The following METTL24 variants were observed in gnomAD, a reference collection of about 807,000 sequenced individuals.
METTL24 encodes the protein methyltransferase like 24, also known as probable methyltransferase-like protein 24.
In METTL24, 29 loss-of-function variants were observed where a neutral mutation model predicts 32.7. The ratio of observed to expected loss-of-function variants is 0.89; its 90% CI spans 0.66 to 1.21. The LOEUF is 1.21. METTL24 is among the 50% of genes most tolerant of loss of function. The pLI, the probability that METTL24 is intolerant of heterozygous loss-of-function variation, is 0.00. For synonymous variants in METTL24, 163 were observed against 179.5 expected (o/e 0.91, Z 0.73); for missense variants, 439 against 468.1 (o/e 0.94, Z 0.57).
At chr6:110,339,907 T>C (rs1196401226) in intron 1 of METTL24, among the ~76,000 whole-genome samples, 1 of 152,210 alleles carries the variant, frequency 6.6e-6, no homozygotes, top group Non-Finnish European at 1.5e-5. Flanking sequence ...TGTTGGTGCC[T>C]AGCTGGAGGA....
intron 1 of METTL24, among the ~76,000 whole-genome samples, chr6:110,342,648 A>C (rs1419264509): frequency 6.6e-6 from 1 of 152,176 alleles, no homozygotes; most frequent in Non-Finnish European, 1.5e-5. Context: ...ACCATTATCT[A>C]ATTCCAGAAT....
intron 3 of METTL24, among the ~76,000 whole-genome samples, chr6:110,312,043 T>C (rs1453860887): frequency 2.0e-5 from 3 of 152,226 alleles, no homozygotes; most frequent in Non-Finnish European, 4.4e-5. Context: ...GCAGAAGCTT[T>C]TTGGTTTAAT....
At chr6:110,324,290 C>A (rs1771981685) in intron 1 of METTL24, among the ~76,000 whole-genome samples, 1 of 152,190 alleles carries the variant, frequency 6.6e-6, no homozygotes, top group African/African-American at 2.4e-5. Flanking sequence ...ACAGCCTGTA[C>A]TACCCTTGTG....
intron 1 of METTL24, among the ~76,000 whole-genome samples, chr6:110,324,696 C>T (rs564092546): frequency 6.6e-6 from 1 of 152,342 alleles, no homozygotes; most frequent in East Asian, 1.9e-4. Flanking sequence ...GCAGGCTGAG[C>T]AGGCAGAGAC....
intron 3 of METTL24, among the ~76,000 whole-genome samples, chr6:110,307,496 T>C (rs1189375333): frequency 6.6e-6 from 1 of 152,202 alleles, no homozygotes; most frequent in Non-Finnish European, 1.5e-5. Context: ...CTTAGACAAC[T>C]AGTCCATTTT....
intron 4 of METTL24, among the ~76,000 whole-genome samples, chr6:110,251,127 A>G (rs1244624545): frequency 1.3e-5 from 2 of 152,184 alleles, no homozygotes; most frequent in African/African-American, 4.8e-5. Flanking sequence ...GCGCGCATTC[A>G]AGGGGAGGTG....
At chr6:110,302,300 C>A (rs992665060) in intron 3 of METTL24, among the ~76,000 whole-genome samples, 13 of 150,792 alleles carry the variant, frequency 8.6e-5, no homozygotes, top group African/African-American at 3.2e-4. Flanking sequence ...AACATTATGT[C>A]AAAAAAAGTA....
In METTL24 at chr6:110,280,303, C is replaced by T. The variant is rs1771115213; in HGVS notation, c.786+18619G>A. 2.6e-5 allele frequency among the ~76,000 whole-genome samples: 4 copies of T among 152,134 alleles called. No individual in the cohort carries two copies. The South Asian group carries it at 8.3e-4, about 31-fold the overall frequency. ...TGTGCTGTATGAACCCACTGTTTGG[C>T]CCTTTGCTTTGGGCCCTTAACGAAT... is the stretch of plus-strand genomic sequence containing the variant. On this transcript the variant is annotated intron_variant, in intron 4 of 4. Transcript: ENST00000338882.
intron 1 of METTL24, among the ~76,000 whole-genome samples, chr6:110,354,906 C>T (rs1772675639): frequency 6.6e-6 from 1 of 152,130 alleles, no homozygotes; most frequent in South Asian, 2.1e-4. Flanking sequence ...CCTTAGGAGA[C>T]TAAAAACTTA....
Position 110,357,994 on chromosome 6 carries a change from C to A in METTL24, c.279G>T (p.Glu93Asp). The A allele has an allele frequency of 1.7e-6, 2 of 1,177,498 alleles. No homozygotes were observed. The allele number at this position is 1,177,498 out of a possible 1,614,324, so 72.9% of individuals were successfully genotyped here. A position where few individuals can be genotyped will look rare whatever the true frequency, so the allele number is the denominator to read the frequency against. ...PPGGGGSGTP[E>D]PGCCAPRGRP... is the part of the protein sequence containing the mutation. ...GCCCGCGCGGGGCACAGCAGCCAGG[C>A]TCCGGCGTCCCGCTCCCGCCGCCCC... is the stretch of plus-strand genomic sequence containing the variant. The change falls in exon 1 of 5, where the codon GAG (glutamate) becomes GAT (aspartate). Residue 93 changes from glutamate to aspartate, a missense_variant. Physicochemically the swap from Glu to Asp is conservative, Grantham distance 45. Coordinates refer to ENST00000338882, the MANE Select transcript of METTL24 (RefSeq NM_001123364.3).
chr6:110,264,682 T>C (rs1483401415), intron 4 of METTL24, among the ~76,000 whole-genome samples: 1 of 152,190 alleles, frequency 6.6e-6, no homozygotes. Flanking sequence ...CGTATGTTTA[T>C]TGTGGCACTA....
chr6:110,315,597 C>T, intron 2 of METTL24, 116 bp from the exon 3 acceptor site: 1 of 1,072,440 alleles, frequency 9.3e-7, no homozygotes, highest in Non-Finnish European at 1.4e-6. Flanking sequence ...TAATCTCCTC[C>T]ACTGCTAACA....
chr6:110,334,817 T>C (rs553311183), intron 1 of METTL24, among the ~76,000 whole-genome samples: 6 of 152,332 alleles, frequency 3.9e-5, no homozygotes, highest in Admixed American at 1.3e-4. Context: ...CCTATCCTAC[T>C]CTCTTGCCAT....
At chr6:110,302,570 T>TATGTGTATATATACACATAC (rs1562230956) in intron 3 of METTL24, among the ~76,000 whole-genome samples, 2 of 118,064 alleles carry the variant, frequency 1.7e-5, no homozygotes, top group African/African-American at 4.6e-5. Context: ...TATACACACA[T>TATGTGTATATATACACATAC]ACACACACAT....
chr6:110,253,951 G>A, intron 4 of METTL24: 1 of 1,448,038 alleles, frequency 6.9e-7, no homozygotes, highest in Non-Finnish European at 9.2e-7. Flanking sequence ...GAGGAGGATG[G>A]CAAGTGGGTG....
chr6:110,264,831 A>G (rs565102561), intron 4 of METTL24, among the ~76,000 whole-genome samples: 1,600 of 152,250 alleles, frequency 0.011, 13 homozygotes, highest in Middle Eastern at 0.017. Context: ...AGGGACATGG[A>G]TGAAGCTGGA....
intron 4 of METTL24, among the ~76,000 whole-genome samples, chr6:110,270,069 C>A (rs945391262): frequency 2.0e-5 from 3 of 152,088 alleles, no homozygotes; most frequent in African/African-American, 7.2e-5. Flanking sequence ...GAAAATCATC[C>A]AAAAATATAT....
intron 4 of METTL24, among the ~76,000 whole-genome samples, chr6:110,293,840 C>T (rs1771363334): frequency 6.6e-6 from 1 of 151,554 alleles, no homozygotes; most frequent in South Asian, 2.1e-4. Context: ...TCATTTCTTA[C>T]AAGTGCATGT....
At chr6:110,356,025 T>A (rs1772690174) in intron 1 of METTL24, among the ~76,000 whole-genome samples, 4 of 152,098 alleles carry the variant, frequency 2.6e-5, no homozygotes, top group Non-Finnish European at 5.9e-5. Context: ...ACTTGACAGA[T>A]GACAGCAGAA....
Sources: allele counts gnomAD v4.1 joint callset (sites outside exome capture counted in the v4.1 genomes callset), GRCh38; gene constraint gnomAD v4.1.1; transcripts MANE v1.5; gene names NCBI Gene and HGNC (gene_info 2026-07-23, HGNC 2026-07-21).